The following VPS13B variants were observed in gnomAD, a reference collection of about 807,000 sequenced individuals.
VPS13B encodes the protein intermembrane lipid transfer protein VPS13B.
A neutral mutation model predicts 426.4 loss-of-function variants in VPS13B; 285 were observed. The ratio of observed to expected loss-of-function variants is 0.67; its 90% CI spans 0.61 to 0.74. The LOEUF is 0.74. VPS13B is among the 30% of genes least tolerant of loss of function. The probability of loss-of-function intolerance (pLI) is 0.00; values close to 1 mark genes in which losing one functional copy is unlikely to be tolerated. For missense variants in VPS13B, 4,537 were observed against 4,782.6 expected, an observed-to-expected ratio of 0.95 and a Z score of 1.51; for synonymous variants, 1,676 against 1,676.4, an observed-to-expected ratio of 1.00 and a Z score of 0.01.
At chr8:99,200,750 T>A (rs953903503) in intron 17 of VPS13B, among the ~76,000 whole-genome samples, 7 of 152,174 alleles carry the variant, frequency 4.6e-5, no homozygotes, top group African/African-American at 1.7e-4. Flanking sequence ...CCTCTTTTTC[T>A]TTTAAATTGT....
intron 39 of VPS13B, among the ~76,000 whole-genome samples, chr8:99,727,648 C>T (rs1170556681): frequency 3.3e-5 from 5 of 152,208 alleles, no homozygotes; most frequent in Non-Finnish European, 5.9e-5. Context: ...TGAGAAAGAC[C>T]TGCCCCCTGA....
chr8:99,137,904 A>C (rs115958845), intron 12 of VPS13B, among the ~76,000 whole-genome samples: 3,065 of 152,270 alleles, frequency 0.02, 115 homozygotes, highest in African/African-American at 0.07. Flanking sequence ...TTGAGTTATT[A>C]ATAAATATTC....
At chr8:99,335,952 T>C (rs1015232245) in intron 19 of VPS13B, among the ~76,000 whole-genome samples, 5 of 152,266 alleles carry the variant, frequency 3.3e-5, no homozygotes, top group Admixed American at 1.3e-4. Context: ...AGGTAATTTA[T>C]AGATTCAATG....
chr8:99,340,136 A>G (rs781525034), intron 19 of VPS13B, among the ~76,000 whole-genome samples: 13 of 152,200 alleles, frequency 8.5e-5, no homozygotes, highest in Non-Finnish European at 1.3e-4. Flanking sequence ...CAGAATAACT[A>G]TAGTTATGTG....
At chr8:99,213,848 T>G (rs960836993) in intron 17 of VPS13B, among the ~76,000 whole-genome samples, 6 of 151,400 alleles carry the variant, frequency 4.0e-5, no homozygotes, top group Non-Finnish European at 8.8e-5. Context: ...CTGGGCCACA[T>G]TCCCTGTTTG....
intron 17 of VPS13B, 120 bp from the exon 18 acceptor site, chr8:99,274,072 CACAAAT>C: frequency 7.4e-7 from 1 of 1,347,094 alleles, no homozygotes; most frequent in South Asian, 1.2e-5. Context: ...TGAAACCTAA[CACAAAT>C]ACTGTAAGAA....
chr8:99,450,895 A>G (rs1266391399), intron 23 of VPS13B, among the ~76,000 whole-genome samples: 2 of 152,116 alleles, frequency 1.3e-5, no homozygotes, highest in African/African-American at 2.4e-5. Flanking sequence ...AAAAGAACAC[A>G]TTCGTATGTA....
intron 39 of VPS13B, among the ~76,000 whole-genome samples, chr8:99,763,902 T>A (rs1268075106): frequency 6.6e-6 from 1 of 152,192 alleles, no homozygotes; most frequent in Admixed American, 6.5e-5. Context: ...CAGCATCTCA[T>A]CATATATGGA....
At chr8:99,834,378 T>TA (rs1444540098) in intron 52 of VPS13B, among the ~76,000 whole-genome samples, 4 of 152,166 alleles carry the variant, frequency 2.6e-5, no homozygotes, top group African/African-American at 9.7e-5. Context: ...CTCCAAATAA[T>TA]ACAGCTTTGC....
chr8:99,075,039 G>A (rs1254670504), intron 3 of VPS13B, among the ~76,000 whole-genome samples: 1 of 151,914 alleles, frequency 6.6e-6, no homozygotes, highest in Non-Finnish European at 1.5e-5. Flanking sequence ...TCATTTTTTT[G>A]GAATAGTTTA....
chr8:99,593,509 A>G (rs1474650377), intron 33 of VPS13B, among the ~76,000 whole-genome samples: 1 of 152,104 alleles, frequency 6.6e-6, no homozygotes, highest in African/African-American at 2.4e-5. Flanking sequence ...TGATTCTTCA[A>G]AGACCTAGAG....
At chr8:99,431,379 G>A (rs1588372166) in intron 21 of VPS13B, 158 bp from the exon 22 acceptor site, 1 of 1,019,342 alleles carries the variant, frequency 9.8e-7, no homozygotes, top group East Asian at 2.7e-5. Context: ...GCAAAAATCA[G>A]TTCTATAAGA....
At chr8:99,634,181 A>G (rs1828978261) in intron 33 of VPS13B, among the ~76,000 whole-genome samples, 1 of 151,992 alleles carries the variant, frequency 6.6e-6, no homozygotes, top group African/African-American at 2.4e-5. Context: ...AAGGTTTTGA[A>G]CTTACCTATG....
chr8:99,807,185 G>A (rs1813445188), intron 43 of VPS13B, among the ~76,000 whole-genome samples: 1 of 152,114 alleles, frequency 6.6e-6, no homozygotes, highest in Non-Finnish European at 1.5e-5. Context: ...AAATATCTGT[G>A]CCAACATTCT....
intron 17 of VPS13B, among the ~76,000 whole-genome samples, chr8:99,223,655 G>C (rs543145376): frequency 3.3e-5 from 5 of 152,240 alleles, no homozygotes; most frequent in Admixed American, 3.3e-4. Context: ...GGATAGGGTA[G>C]TAATAAAGTT....
At chr8:99,649,430 G>C (rs995892298) in intron 34 of VPS13B, among the ~76,000 whole-genome samples, 7 of 151,702 alleles carry the variant, frequency 4.6e-5, no homozygotes, top group Non-Finnish European at 8.8e-5. Context: ...CTTCAGATTG[G>C]ATAATTTCTA....
intron 29 of VPS13B, among the ~76,000 whole-genome samples, chr8:99,515,352 T>C (rs1821999887): frequency 6.6e-6 from 1 of 152,162 alleles, no homozygotes; most frequent in East Asian, 1.9e-4. Context: ...TCTGCCATCT[T>C]ATTTTTAAAG....
intron 3 of VPS13B, among the ~76,000 whole-genome samples, chr8:99,086,429 T>G (rs559453338): frequency 6.6e-6 from 1 of 152,262 alleles, no homozygotes; most frequent in African/African-American, 2.4e-5. Context: ...TCAGAGTAGT[T>G]TGATCGTCTG....
At chr8:99,115,171 T>C (rs550466460) in intron 6 of VPS13B, among the ~76,000 whole-genome samples, 1 of 152,168 alleles carries the variant, frequency 6.6e-6, no homozygotes, top group Non-Finnish European at 1.5e-5. Flanking sequence ...AAAATTTTTA[T>C]TATTTACATA....
Sources: gnomAD v4.1 joint callset for allele counts (sites outside exome capture counted in the v4.1 genomes callset) on GRCh38, gnomAD v4.1.1 for gene constraint, MANE v1.5 for transcripts, NCBI Gene and HGNC (gene_info 2026-07-23, HGNC 2026-07-21) for gene names.